The following PACRG variants were observed in gnomAD, a reference collection of about 807,000 sequenced individuals.
PACRG encodes parkin coregulated, also known as parkin coregulated gene protein.
PACRG carries 29 observed loss-of-function variants against 29.7 expected under a neutral mutation model. The observed-to-expected ratio is 0.98, with a 90% CI of 0.73 to 1.33. The LOEUF (loss-of-function observed/expected upper bound fraction) is 1.33, where lower values mean the gene tolerates loss of function less well. PACRG is among the 40% of genes most tolerant of loss of function. The pLI is 0.00. For synonymous variants in PACRG, 116 were observed against 118.7 expected (o/e 0.98, Z 0.15); for missense variants, 279 against 316.2 (o/e 0.88, Z 0.89).
At chr6:162,992,538 G>A (rs1237012168) in intron 2 of PACRG, among the ~76,000 whole-genome samples, 6 of 142,148 alleles carry the variant, frequency 4.2e-5, no homozygotes, top group African/African-American at 1.0e-4. Context: ...AGAGGTGTTT[G>A]TAGTATTCTC....
At position 163,045,621 on chromosome 6, in the gene PACRG, CTT is replaced by C. The variant is rs11326242; in HGVS notation, c.292-16511_292-16510del. 7.2e-3 allele frequency among the ~76,000 whole-genome samples: 758 copies of C among 105,826 alleles called. 5 individuals are homozygous for C. Among genetic ancestry groups the C allele is most frequent in the Middle Eastern group, 0.026 (5 of 192 alleles). 69.4% of individuals were successfully genotyped at this position (105,826 alleles called of 152,430 possible). On this transcript the variant is annotated intron_variant, in intron 2 of 4. Coordinates refer to ENST00000366888, the MANE Select transcript of PACRG (RefSeq NM_001080379.2). Reference sequence around the variant, plus strand: ...TACAGGTGTGAGCTACTGCGCCCAGCTTTTTTTTTTTTTTTTTTTGAGATGGA... The same window carrying C: ...TACAGGTGTGAGCTACTGCGCCCAGCTTTTTTTTTTTTTTTTTGAGATGGA...
intron 4 of PACRG, chr6:163,189,616 G>A (rs1366487112): frequency 6.6e-6 from 1 of 152,186 alleles, no homozygotes; most frequent in African/African-American, 2.4e-5. Context: ...CCATGAAACA[G>A]CAACATACTC....
Position 163,078,439 on chromosome 6 carries a change from G to A in PACRG, c.464-10820G>A, listed in dbSNP as rs184137594. Reference sequence around the variant, plus strand: ...AATCACTTGAACCCGGGAGACGGAGGTTGCAGTGAGCTGCACTGCGCTCCA... The same window carrying A: ...AATCACTTGAACCCGGGAGACGGAGATTGCAGTGAGCTGCACTGCGCTCCA... On this transcript the variant is annotated intron_variant, in intron 3 of 4. Coordinates refer to ENST00000366888, the MANE Select transcript of PACRG (RefSeq NM_001080379.2). 2.8e-3 allele frequency among the ~76,000 whole-genome samples: 422 copies of A among 150,730 alleles called. 1 individual carries two copies. Among genetic ancestry groups the A allele is most frequent in the Middle Eastern group, 6.8e-3 (2 of 294 alleles).
intron 1 of PACRG, among the ~76,000 whole-genome samples, chr6:162,750,775 T>C (rs927986732): frequency 6.6e-6 from 1 of 152,198 alleles, no homozygotes; most frequent in Non-Finnish European, 1.5e-5. Context: ...TGCTCAGCAA[T>C]ATGGAAGTCA....
At chr6:163,304,635 G>A (rs1785128143) in intron 4 of PACRG, among the ~76,000 whole-genome samples, 1 of 152,164 alleles carries the variant, frequency 6.6e-6, no homozygotes, top group Non-Finnish European at 1.5e-5. Flanking sequence ...AATCAAAGAG[G>A]GAGTAACATT....
chr6:162,923,224 G>C (rs1797192820), intron 2 of PACRG, among the ~76,000 whole-genome samples: 1 of 152,088 alleles, frequency 6.6e-6, no homozygotes, highest in African/African-American at 2.4e-5. Context: ...AAAGTCAGAT[G>C]AGTTTATTTT....
At chr6:163,270,171 T>A (rs1184923674) in intron 4 of PACRG, among the ~76,000 whole-genome samples, 2 of 152,098 alleles carry the variant, frequency 1.3e-5, no homozygotes, top group Non-Finnish European at 2.9e-5. Flanking sequence ...AGAATAATTT[T>A]AAAGTTTTTA....
chr6:163,115,489 C>A (rs183209842), intron 4 of PACRG, among the ~76,000 whole-genome samples: 1 of 152,160 alleles, frequency 6.6e-6, no homozygotes, highest in East Asian at 1.9e-4. Flanking sequence ...GCAGTGGATG[C>A]ATACAAAATG....
intron 2 of PACRG, among the ~76,000 whole-genome samples, chr6:162,839,566 T>G (rs1196248766): frequency 6.6e-6 from 1 of 152,106 alleles, no homozygotes; most frequent in Non-Finnish European, 1.5e-5. Flanking sequence ...TGATGGTAGT[T>G]TCTTTTGCTG....
chr6:163,304,699 C>T (rs1785130497), intron 4 of PACRG, among the ~76,000 whole-genome samples: 1 of 152,118 alleles, frequency 6.6e-6, no homozygotes, highest in South Asian at 2.1e-4. Flanking sequence ...AGAGCATATT[C>T]CCATGGGGAA....
chr6:162,879,480 G>C (rs1392492993), intron 2 of PACRG, among the ~76,000 whole-genome samples: 6 of 152,178 alleles, frequency 3.9e-5, no homozygotes, highest in Non-Finnish European at 1.5e-5. Flanking sequence ...GAATCATTGA[G>C]GGGGGCAGGG....
At chr6:163,132,264 A>T (rs1816770903) in intron 4 of PACRG, among the ~76,000 whole-genome samples, 1 of 152,214 alleles carries the variant, frequency 6.6e-6, no homozygotes, top group Non-Finnish European at 1.5e-5. Flanking sequence ...ACTTTTTAAT[A>T]GCATTCCTTT....
chr6:163,053,565 T>A (rs1317322840), intron 2 of PACRG, among the ~76,000 whole-genome samples: 1 of 152,186 alleles, frequency 6.6e-6, no homozygotes, highest in Non-Finnish European at 1.5e-5. Flanking sequence ...CCTAAATGAT[T>A]TCTAGTGAAA....
At chr6:163,175,823 A>T (rs920183995) in intron 4 of PACRG, among the ~76,000 whole-genome samples, 10 of 151,928 alleles carry the variant, frequency 6.6e-5, no homozygotes, top group Non-Finnish European at 1.3e-4. Flanking sequence ...GAATCCCAGC[A>T]TTTTTAACTC....
At chr6:163,102,562 AT>A (rs35755382) in intron 4 of PACRG, among the ~76,000 whole-genome samples, 4 of 151,980 alleles carry the variant, frequency 2.6e-5, no homozygotes, top group East Asian at 1.9e-4. Context: ...TTCTAAGAGT[AT>A]TTTTTTTCCA....
At chr6:162,791,135 A>G (rs1784899685) in intron 1 of PACRG, among the ~76,000 whole-genome samples, 1 of 152,192 alleles carries the variant, frequency 6.6e-6, no homozygotes. Flanking sequence ...CACACAACTC[A>G]AGGTATGTCT....
At chr6:163,083,729 T>C (rs1813288098) in intron 3 of PACRG, among the ~76,000 whole-genome samples, 1 of 152,240 alleles carries the variant, frequency 6.6e-6, no homozygotes, top group African/African-American at 2.4e-5. Context: ...TGATAGCTAT[T>C]TGTATGTTAA....
At chr6:162,983,867 A>G (rs1022037927) in intron 2 of PACRG, among the ~76,000 whole-genome samples, 2 of 152,012 alleles carry the variant, frequency 1.3e-5, no homozygotes, top group Non-Finnish European at 2.9e-5. Context: ...AGTGAGGCCA[A>G]GGAAGGTTTT....
Position 162,983,427 on chromosome 6 carries a change from G to C in PACRG, c.292-78723G>C, listed in dbSNP as rs189837708. On this transcript the variant is annotated intron_variant, in intron 2 of 4. Transcript: ENST00000366888. ...GCCCTGTGAGATTTATGCTTCAGGA[G>C]GTTCTATTTTGGGGTATTTCAAGGT... 4.0e-5 allele frequency among the ~76,000 whole-genome samples: 6 copies of C among 151,884 alleles called. No homozygotes were observed. In the East Asian group the frequency reaches 1.2e-3, roughly 29 times the overall value.
Sources: gnomAD v4.1 joint callset for allele counts (sites outside exome capture counted in the v4.1 genomes callset) on GRCh38, gnomAD v4.1.1 for gene constraint, MANE v1.5 for transcripts, NCBI Gene and HGNC (gene_info 2026-07-23, HGNC 2026-07-21) for gene names.